The following MCC variants were observed in gnomAD, a reference collection of about 807,000 sequenced individuals.
The protein encoded by MCC is colorectal mutant cancer protein.
MCC carries 90 observed loss-of-function variants against 116.2 expected under a neutral mutation model. That is an observed-to-expected ratio of 0.77 (90% confidence interval 0.65 to 0.92). MCC has a LOEUF of 0.92. Ranked by LOEUF, MCC falls within the 40% of genes least tolerant of loss-of-function variation. MCC has a pLI of 0.00. For synonymous variants in MCC, 578 were observed against 510.5 expected, an observed-to-expected ratio of 1.13 and a Z score of -1.78; for missense variants, 1,516 against 1,312.2, an observed-to-expected ratio of 1.16 and a Z score of -2.40.
At chr5:113,433,920 T>G (rs748779940) in intron 1 of MCC, 1 of 1,614,026 alleles carries the variant, frequency 6.2e-7, no homozygotes, top group Non-Finnish European at 8.5e-7. Flanking sequence ...GGTGGCAGAC[T>G]TCTTGTCAGA....
At chr5:113,389,927 T>G (rs1223560875) in intron 1 of MCC, among the ~76,000 whole-genome samples, 2 of 152,128 alleles carry the variant, frequency 1.3e-5, no homozygotes, top group Non-Finnish European at 2.9e-5. Flanking sequence ...ATGGCCTCCA[T>G]AAAACACTAA....
At chr5:113,068,218 G>C in intron 12 of MCC, 35 bp from the exon 13 acceptor site, 1 of 1,527,304 alleles carries the variant, frequency 6.5e-7, no homozygotes, top group Non-Finnish European at 9.1e-7. Flanking sequence ...AGCCCTTGCA[G>C]AGAACAGCGG....
intron 11 of MCC, among the ~76,000 whole-genome samples, chr5:113,075,025 C>A (rs1474305986): frequency 2.0e-5 from 3 of 152,178 alleles, no homozygotes; most frequent in South Asian, 4.1e-4. Context: ...GAGGCCAGAG[C>A]CAGCTCCCTC....
rs1049771454 is a variant in MCC at position 113,298,442 on chromosome 5, G to C, written c.627+42077C>G. Among the ~76,000 whole-genome samples, 10 of 152,222 alleles carry C rather than the reference G, an allele frequency of 6.6e-5. No homozygotes were observed. In the South Asian group the frequency reaches 1.2e-3, roughly 19 times the overall value. On this transcript the variant is annotated intron_variant, in intron 3 of 18. Coordinates refer to ENST00000408903, the MANE Select transcript of MCC (RefSeq NM_001085377.2). ...GAAAGAAGGCAGATAAATTACCATA[G>C]GGAGTGAGGAGAAACTGGGGGTAGT...
chr5:113,462,421 C>A (rs570185931), intron 1 of MCC, among the ~76,000 whole-genome samples: 120 of 152,322 alleles, frequency 7.9e-4, no homozygotes, highest in African/African-American at 2.7e-3. Flanking sequence ...CTGAAGCCTC[C>A]AGAAAGTGGA....
At chr5:113,365,020 T>C (rs902421415) in intron 2 of MCC, among the ~76,000 whole-genome samples, 3 of 152,222 alleles carry the variant, frequency 2.0e-5, no homozygotes, top group African/African-American at 7.2e-5. Context: ...TTTTCCCTAT[T>C]GTCTTGGCTA....
chr5:113,060,018 T>A (rs1236622262), intron 14 of MCC, among the ~76,000 whole-genome samples: 2 of 152,202 alleles, frequency 1.3e-5, no homozygotes, highest in Non-Finnish European at 1.5e-5. Context: ...TCAGCTTGCC[T>A]TGGTGGAAGG....
chr5:113,297,228 C>A (rs1766736053), intron 3 of MCC, among the ~76,000 whole-genome samples: 1 of 152,166 alleles, frequency 6.6e-6, no homozygotes, highest in African/African-American at 2.4e-5. Context: ...GGACGGCTGG[C>A]ATGGTGGCTC....
At chr5:113,383,082 T>C (rs1249128867) in intron 2 of MCC, among the ~76,000 whole-genome samples, 1 of 152,262 alleles carries the variant, frequency 6.6e-6, no homozygotes, top group South Asian at 2.1e-4. Flanking sequence ...TGTGCAGCAA[T>C]TCTTTCAAAC....
chr5:113,419,343 T>C (rs928167139), intron 1 of MCC, among the ~76,000 whole-genome samples: 1 of 150,574 alleles, frequency 6.6e-6, no homozygotes, highest in Non-Finnish European at 1.5e-5. Context: ...GCTAATTTTT[T>C]ACTTATTCTT....
chr5:113,271,715 C>A (rs570013071), intron 3 of MCC, among the ~76,000 whole-genome samples: 45 of 152,276 alleles, frequency 3.0e-4, no homozygotes, highest in African/African-American at 1.0e-3. Flanking sequence ...AAGGGCTCTG[C>A]CCTTACAAAT....
Position 113,340,568 on chromosome 5 carries a change from G to C in MCC, c.578C>G (p.Pro193Arg). 6.2e-7 allele frequency: 1 copy of C among 1,614,136 alleles called. No homozygotes were observed. The highest frequency in any genetic ancestry group is 8.5e-7 in the Non-Finnish European group (1 of 1,179,994). Reference protein sequence around the residue: ...AALHKLLTQSPHIGNSVGGSY... With the variant: ...AALHKLLTQSRHIGNSVGGSY... Reference sequence around the variant, plus strand: ...TCCTCCTACAGAGTTGCCAATGTGCGGGGACTGTGTGAGCAGTTTGTGGAG... The same window carrying C: ...TCCTCCTACAGAGTTGCCAATGTGCCGGGACTGTGTGAGCAGTTTGTGGAG... The change falls in exon 3 of 19, where the codon CCG becomes CGG. Residue 193 changes from proline (P) to arginine (R), a missense_variant. Physicochemically the swap from Pro to Arg is moderately radical, Grantham distance 103. Transcript: ENST00000408903.
chr5:113,273,681 G>A (rs1439273453), intron 3 of MCC, among the ~76,000 whole-genome samples: 1 of 152,164 alleles, frequency 6.6e-6, no homozygotes, highest in Non-Finnish European at 1.5e-5. Flanking sequence ...GTATGGGGTG[G>A]TGCCAAGGAG....
intron 8 of MCC, among the ~76,000 whole-genome samples, chr5:113,089,796 G>T (rs1159099174): frequency 6.6e-6 from 1 of 152,136 alleles, no homozygotes. Flanking sequence ...TATTCAAGGA[G>T]GTGAAAAAAC....
At chr5:113,197,642 T>C (rs1341146891) in intron 3 of MCC, among the ~76,000 whole-genome samples, 3 of 152,214 alleles carry the variant, frequency 2.0e-5, no homozygotes, top group African/African-American at 7.2e-5. Flanking sequence ...ACTGATGGCA[T>C]CAAATATTGA....
At chr5:113,364,141 G>T (rs979657991) in intron 2 of MCC, among the ~76,000 whole-genome samples, 3 of 146,682 alleles carry the variant, frequency 2.0e-5, no homozygotes, top group African/African-American at 7.6e-5. Flanking sequence ...TGAAGCAGGA[G>T]AACTGCTTGA....
intron 3 of MCC, among the ~76,000 whole-genome samples, chr5:113,251,969 A>T (rs1056670862): frequency 1.3e-5 from 2 of 152,236 alleles, no homozygotes; most frequent in African/African-American, 2.4e-5. Flanking sequence ...TAAAAGAGAC[A>T]ATCAAAGTAT....
At chr5:113,093,079 A>G (rs113645119) in intron 8 of MCC, among the ~76,000 whole-genome samples, 4 of 152,352 alleles carry the variant, frequency 2.6e-5, no homozygotes, top group African/African-American at 7.2e-5. Context: ...GGAGAAAAAC[A>G]TAAGAGAAGG....
At chr5:113,028,383 T>A (rs75105905) in intron 18 of MCC, among the ~76,000 whole-genome samples, 55 of 151,862 alleles carry the variant, frequency 3.6e-4, no homozygotes, top group South Asian at 1.5e-3. Flanking sequence ...AAATGCCATT[T>A]TTTTTTTTGT....
Sources: allele counts gnomAD v4.1 joint callset (sites outside exome capture counted in the v4.1 genomes callset), GRCh38; gene constraint gnomAD v4.1.1; transcripts MANE v1.5; gene names NCBI Gene and HGNC (gene_info 2026-07-23, HGNC 2026-07-21).